The following GON4L variants were observed in gnomAD, a reference collection of about 807,000 sequenced individuals.
GON4L encodes the protein GON-4-like protein.
In GON4L, 87 loss-of-function variants were observed where a neutral mutation model predicts 211.8. The observed-to-expected ratio is 0.41, with a 90% CI of 0.35 to 0.49. The LOEUF is 0.49. GON4L is among the 20% of genes least tolerant of loss of function. GON4L has a pLI of 0.15. For missense variants in GON4L, 2,155 were observed against 2,659.5 expected, an observed-to-expected ratio of 0.81 and a Z score of 4.17; for synonymous variants, 875 against 962.6, an observed-to-expected ratio of 0.91 and a Z score of 1.68.
Position 155,777,755 on chromosome 1 carries a change from T to C in GON4L, c.1958A>G (p.Gln653Arg), listed in dbSNP as rs1663975273. 1 of 1,613,210 alleles carries C rather than the reference T, an allele frequency of 6.2e-7. No individual in the cohort carries two copies. Residue 653 changes from glutamine to arginine, a missense_variant, in exon 15 of 32, where the codon CAG becomes CGG. This residue lies in a region of GON4L where 551 missense variants were observed against 854.0 expected (regional missense o/e 0.65). Transcript: ENST00000368331. Reference sequence around the variant, plus strand: ...GGCTGAAGATTTCTTCATCTTCAGCTGTTCAAATAGCTCCTTCACTGTCCG... The same window carrying C: ...GGCTGAAGATTTCTTCATCTTCAGCCGTTCAAATAGCTCCTTCACTGTCCG... ...QHRTVKELFE[Q>R]LKMKKSSAKQ...
At chr1:155,769,537 C>T (rs944008633) in intron 19 of GON4L, among the ~76,000 whole-genome samples, 11 of 151,860 alleles carry the variant, frequency 7.2e-5, no homozygotes, top group Admixed American at 3.3e-4. Flanking sequence ...ATGAAAGTGA[C>T]GGAATATCTA....
In GON4L at chr1:155,827,554, G is replaced by A. The variant is rs540398421; in HGVS notation, c.506-526C>T. Among the ~76,000 whole-genome samples the A allele has an allele frequency of 3.3e-5, 5 of 152,234 alleles. No homozygotes were observed. In the South Asian group the frequency reaches 1.0e-3, roughly 32 times the overall value. ...AGACAGAGAAAAAAGGGGTGATGGT[G>A]CATGCTTGTAGTCCTAGTTACTTGG... is the stretch of plus-strand genomic sequence containing the variant. On this transcript the variant is annotated intron_variant, in intron 2 of 31. Transcript: ENST00000368331.
chr1:155,787,064 G>A (rs910666698), intron 12 of GON4L, among the ~76,000 whole-genome samples: 10 of 149,482 alleles, frequency 6.7e-5, no homozygotes, highest in Non-Finnish European at 7.4e-5. Context: ...TGGGACTACA[G>A]GCGCCTGCCA....
intron 16 of GON4L, among the ~76,000 whole-genome samples, chr1:155,775,437 T>TATGAAGAATG (rs1663682195): frequency 6.6e-6 from 1 of 152,004 alleles, no homozygotes; most frequent in South Asian, 2.1e-4. Flanking sequence ...GAAGTAAGAT[T>TATGAAGAATG]ATGAAGAATG....
chr1:155,753,913 A>G, intron 28 of GON4L: 1 of 219,864 alleles, frequency 4.5e-6, no homozygotes, highest in Non-Finnish European at 9.1e-6. Flanking sequence ...TCTGTCACCC[A>G]GGCTGGAGCT....
chr1:155,774,810 G>A, intron 17 of GON4L, 192 bp downstream of exon 17: 5 of 917,156 alleles, frequency 5.5e-6, no homozygotes, highest in Non-Finnish European at 8.6e-6. Context: ...ACTTTACCCA[G>A]GCCCAGAGAT....
Position 155,813,767 on chromosome 1 carries a change from C to T in GON4L, c.1319G>A (p.Ser440Asn). The T allele has an allele frequency of 3.7e-6, 6 of 1,613,932 alleles. No homozygotes were observed. Among genetic ancestry groups the T allele is most frequent in the Non-Finnish European group, 5.1e-6 (6 of 1,179,858 alleles). Residue 440 changes from serine (S) to asparagine (N), a missense_variant, in exon 10 of 32, where the codon AGT (serine) becomes AAT (asparagine). By Grantham distance (46) the Ser-to-Asn change is conservative. Transcript: ENST00000368331. The part of the protein sequence containing the change: ...KVTTPAIRHI[S>N]AEVVPMGPPP... ...GGGCCCCATGGGCACTACCTCAGCA[C>T]TGATGTGCCTGATGGCTGGTGTGGT...
At chr1:155,807,161 T>C (rs767216222) in intron 10 of GON4L, among the ~76,000 whole-genome samples, 6 of 150,608 alleles carry the variant, frequency 4.0e-5, no homozygotes, top group South Asian at 2.1e-4. Flanking sequence ...AGCACCTTGA[T>C]AGGCTGTGGT....
intron 10 of GON4L, among the ~76,000 whole-genome samples, chr1:155,810,109 C>A (rs900652076): frequency 6.7e-6 from 1 of 150,176 alleles, no homozygotes; most frequent in Non-Finnish European, 1.5e-5. Context: ...GATTTTCGTG[C>A]CGCAGCCTCC....
In GON4L at chr1:155,753,380, G is replaced by A; in HGVS notation, c.5666C>T (p.Pro1889Leu). 2.5e-6 allele frequency: 4 copies of A among 1,613,656 alleles called. No homozygotes were observed. Among genetic ancestry groups the A allele is most frequent in the Non-Finnish European group, 3.4e-6 (4 of 1,179,782 alleles). The change falls in exon 29 of 32, where the codon CCC becomes CTC. Residue 1889 changes from proline to leucine, a missense_variant. By Grantham distance (98) the Pro-to-Leu change is moderately conservative (BLOSUM62 -3). Transcript: ENST00000368331. ...GGGGCTGCTGCCCACCAACTCATGG[G>A]GCTCCTTGCTCTTGTAGGATTTGCT... ...CDSKSYKSKE[P>L]HELVGSSPHR... is the part of the protein sequence containing the mutation.
rs137979665 is a variant in GON4L, at chr1:155,791,059, C to T, written c.1747+3991G>A. Among the ~76,000 whole-genome samples the T allele has an allele frequency of 3.3e-3, 492 of 151,208 alleles. 2 individuals are homozygous for T. The highest frequency in any genetic ancestry group is 0.011 in the African/African-American group (468 of 41,182). On this transcript the variant is annotated intron_variant, in intron 12 of 31. Transcript: ENST00000368331. ...GGCAGATCACCTGAGGTCAGGAGTT[C>T]GAGATGAGCCTGGCCAACATGGTGA...
chr1:155,789,335 G>A (rs933071780), intron 12 of GON4L, among the ~76,000 whole-genome samples: 6 of 151,996 alleles, frequency 3.9e-5, no homozygotes, highest in African/African-American at 7.2e-5. Context: ...CATTATATGC[G>A]TGCTGAAGTG....
In GON4L at chr1:155,769,282, T is replaced by A. The variant is rs139762053; in HGVS notation, c.2647-1741A>T. ...TGAGCCACCGTGTACGGCCTCAATTTTTAAAAATTTAGAAAAAAATTAAAA... is the reference window on the plus strand; with the variant it reads ...TGAGCCACCGTGTACGGCCTCAATTATTAAAAATTTAGAAAAAAATTAAAA... On this transcript the variant is annotated intron_variant, in intron 19 of 31. Coordinates refer to ENST00000368331, the MANE Select transcript of GON4L (RefSeq NM_001282860.2). 1.6e-3 allele frequency among the ~76,000 whole-genome samples: 246 copies of A among 152,236 alleles called. 1 individual carries two copies. The highest frequency in any genetic ancestry group is 4.8e-3 in the African/African-American group (199 of 41,524).
chr1:155,749,978 G>A lies in GON4L; in HGVS notation c.*606C>T. The A allele has an allele frequency of 6.8e-7, 1 of 1,474,814 alleles. No individual in the cohort carries two copies. The allele number at this position is 1,474,814 out of a possible 1,614,324, so 91.4% of individuals were successfully genotyped here. The stretch of plus-strand genomic sequence containing the variant: ...TGTGTTCCTCTTCGTCCCTGCACCA[G>A]ACCCTGGAAGCCTTGGCCAGAGACC... On this transcript the variant is annotated 3_prime_UTR_variant, in exon 32 of 32. Transcript: ENST00000368331.
chr1:155,752,590 G>A lies in GON4L; in HGVS notation c.5843C>T (p.Ala1948Val), dbSNP rs1660714395. The change falls in exon 30 of 32, where the codon GCA becomes GTA. Residue 1948 changes from alanine to valine, a missense_variant and splice_region_variant. Transcript: ENST00000368331. ...CAAAGTGCTCCCCACTGCCAATCCT[G>A]CTTAGGAGGAAAATAAGGATCTCAG... The part of the protein sequence containing the change: ...TTRKGEMPVS[A>V]GLAVGSTLPS... The A allele has an allele frequency of 1.9e-6, 3 of 1,578,174 alleles. No individual in the cohort carries two copies. The highest frequency in any genetic ancestry group is 1.9e-5 in the Admixed American group (1 of 53,290).
chr1:155,755,496 C>T (rs1323129118), intron 27 of GON4L, among the ~76,000 whole-genome samples: 2 of 152,212 alleles, frequency 1.3e-5, no homozygotes, highest in South Asian at 2.1e-4. Flanking sequence ...CAGGCATGAG[C>T]CACCACGCCC....
At position 155,753,187 on chromosome 1, in the gene GON4L, G is replaced by A. The variant is rs763306898; in HGVS notation, c.5842+17C>T. ...CGAGACTGAGGAACAGAAGGGCTGC[G>A]TTGGCAAATCACTCACCTGAAACAG... On this transcript the variant is annotated intron_variant, in intron 29 of 31. Coordinates refer to ENST00000368331, the MANE Select transcript of GON4L (RefSeq NM_001282860.2). The A allele has an allele frequency of 2.2e-5, 34 of 1,576,316 alleles. 1 individual carries two copies. In the African/African-American group the frequency reaches 3.6e-4, roughly 16 times the overall value.
chr1:155,748,538 A>C, downstream of GON4L: 1 of 1,613,830 alleles, frequency 6.2e-7, no homozygotes, highest in African/African-American at 1.3e-5. Context: ...AAAGGTATGA[A>C]GCTTTGTGAG....
Position 155,754,372 on chromosome 1 carries a change from C to T in GON4L, c.5631+3G>A. The T allele has an allele frequency of 1.3e-6, 2 of 1,575,872 alleles. No homozygotes were observed. Among genetic ancestry groups the T allele is most frequent in the Non-Finnish European group, 1.7e-6 (2 of 1,145,110 alleles). ...CCCTCGGGACCCTTGATACTTTCCTCACCTTGCTGCTACAGTGGCTACAGC... is the reference window on the plus strand; with the variant it reads ...CCCTCGGGACCCTTGATACTTTCCTTACCTTGCTGCTACAGTGGCTACAGC... On this transcript the variant is annotated splice_donor_region_variant and intron_variant, in intron 28 of 31. Transcript: ENST00000368331.
Sources: allele counts gnomAD v4.1 joint callset (sites outside exome capture counted in the v4.1 genomes callset), GRCh38; gene constraint gnomAD v4.1.1; regional missense constraint gnomAD v4.1.1; transcripts MANE v1.5; gene names NCBI Gene and HGNC (gene_info 2026-07-23, HGNC 2026-07-21).